Variants in GRIA2 observed in about 807,000 individuals in gnomAD.
The protein encoded by GRIA2 is glutamate receptor 2.
Under a neutral mutation model 97.3 loss-of-function variants are expected in GRIA2, and 14 were observed. The ratio of observed to expected loss-of-function variants is 0.14; its 90% CI spans 0.10 to 0.23. The LOEUF (loss-of-function observed/expected upper bound fraction) is 0.23, where lower values mean the gene tolerates loss of function less well. Among genes scored for constraint, GRIA2 ranks in the 10% least tolerant of loss-of-function variants. The pLI, the probability that GRIA2 is intolerant of heterozygous loss-of-function variation, is 1.00. For synonymous variants in GRIA2, 412 were observed against 387.8 expected (o/e 1.06, Z -0.73); for missense variants, 558 against 1,069.8 (o/e 0.52, Z 6.67).
chr4:157,228,558 C>T (rs11726348), intron 2 of GRIA2, among the ~76,000 whole-genome samples: 11,279 of 151,926 alleles, frequency 0.074, 537 homozygotes, highest in Non-Finnish European at 0.1. Flanking sequence ...TTTGGGTGGC[C>T]GAGGCGGGTG....
chr4:157,323,341 A>G (rs1488532088), intron 6 of GRIA2, among the ~76,000 whole-genome samples: 4 of 131,332 alleles, frequency 3.0e-5, no homozygotes, highest in African/African-American at 1.1e-4. Flanking sequence ...TGTCTCAAAA[A>G]AAAAAAAAAA....
intron 2 of GRIA2, among the ~76,000 whole-genome samples, chr4:157,271,172 T>C (rs2126789592): frequency 6.6e-6 from 1 of 152,178 alleles, no homozygotes; most frequent in Non-Finnish European, 1.5e-5. Context: ...AAGTCTTCTA[T>C]GACCCTATAT....
At chr4:157,223,427 A>T (rs1729597584) in intron 2 of GRIA2, among the ~76,000 whole-genome samples, 1 of 152,318 alleles carries the variant, frequency 6.6e-6, no homozygotes, top group South Asian at 2.1e-4. Context: ...ATTAAAGTGG[A>T]TTTGCAGCTT....
At chr4:157,246,839 G>T (rs1392100266) in intron 2 of GRIA2, among the ~76,000 whole-genome samples, 2 of 151,946 alleles carry the variant, frequency 1.3e-5, no homozygotes, top group African/African-American at 4.8e-5. Flanking sequence ...AAGTGTCTTA[G>T]GAAACATACT....
intron 12 of GRIA2, among the ~76,000 whole-genome samples, chr4:157,347,699 A>G (rs1208617771): frequency 6.6e-6 from 1 of 152,220 alleles, no homozygotes; most frequent in East Asian, 1.9e-4. Context: ...ACTGGTTGCC[A>G]TGGTAATAAA....
intron 2 of GRIA2, among the ~76,000 whole-genome samples, chr4:157,263,621 G>A (rs1044801901): frequency 9.9e-5 from 15 of 152,074 alleles, no homozygotes; most frequent in African/African-American, 2.9e-4. Flanking sequence ...TTAAAGGATC[G>A]TTTACAGGTG....
chr4:157,237,812 G>C (rs1320301298), intron 2 of GRIA2, among the ~76,000 whole-genome samples: 1 of 152,000 alleles, frequency 6.6e-6, no homozygotes, highest in African/African-American at 2.4e-5. Flanking sequence ...GAGCCCAGAG[G>C]GATAAATAAA....
At chr4:157,357,662 G>T (rs1215346472) in intron 12 of GRIA2, among the ~76,000 whole-genome samples, 1 of 152,008 alleles carries the variant, frequency 6.6e-6, no homozygotes, top group African/African-American at 2.4e-5. Context: ...AACAGAACTT[G>T]TATGTCTAGG....
At chr4:157,247,001 C>T (rs1730761670) in intron 2 of GRIA2, among the ~76,000 whole-genome samples, 1 of 152,104 alleles carries the variant, frequency 6.6e-6, no homozygotes, top group African/African-American at 2.4e-5. Flanking sequence ...TTTTCTTTCA[C>T]TAGTAGATAG....
chr4:157,221,029 T>C lies in GRIA2; in HGVS notation c.-14T>C, dbSNP rs747725631. 40 of 1,392,006 alleles carry C rather than the reference T, an allele frequency of 2.9e-5. No individual in the cohort carries two copies. 86.2% of individuals were successfully genotyped at this position (1,392,006 alleles called of 1,614,324 possible). The stretch of plus-strand genomic sequence containing the variant: ...AAAAAGGGGTATATTGTGGATGCTC[T>C]ACTTTTCTTGGAAATGCAAAAGATT... On this transcript the variant is annotated 5_prime_UTR_variant, in exon 1 of 16. Coordinates refer to ENST00000264426, the MANE Select transcript of GRIA2 (RefSeq NM_001083619.3).
intron 6 of GRIA2, among the ~76,000 whole-genome samples, chr4:157,322,546 C>A (rs1001281784): frequency 6.6e-6 from 1 of 152,108 alleles, no homozygotes; most frequent in African/African-American, 2.4e-5. Flanking sequence ...CATGAATTTA[C>A]TTCCAAGTAG....
At chr4:157,233,706 T>C (rs748988776) in intron 2 of GRIA2, among the ~76,000 whole-genome samples, 2 of 152,120 alleles carry the variant, frequency 1.3e-5, no homozygotes, top group African/African-American at 4.8e-5. Flanking sequence ...TTTACTGATA[T>C]AAAACCTAAA....
intron 2 of GRIA2, among the ~76,000 whole-genome samples, chr4:157,282,334 T>C (rs923125763): frequency 6.6e-6 from 1 of 152,110 alleles, no homozygotes; most frequent in Non-Finnish European, 1.5e-5. Context: ...ATCTACCATA[T>C]GACCTATGTC....
At chr4:157,255,524 C>T (rs1045717750) in intron 2 of GRIA2, among the ~76,000 whole-genome samples, 1 of 152,014 alleles carries the variant, frequency 6.6e-6, no homozygotes, top group African/African-American at 2.4e-5. Flanking sequence ...TTCTTACCAA[C>T]AGTGTATAAG....
intron 12 of GRIA2, among the ~76,000 whole-genome samples, chr4:157,359,006 C>T (rs1303380167): frequency 6.6e-6 from 1 of 152,128 alleles, no homozygotes; most frequent in Non-Finnish European, 1.5e-5. Flanking sequence ...TATTCAAAGT[C>T]ATCTTCCCAA....
At chr4:157,309,285 C>T (rs1205406093) in intron 3 of GRIA2, among the ~76,000 whole-genome samples, 3 of 151,054 alleles carry the variant, frequency 2.0e-5, no homozygotes, top group Admixed American at 6.6e-5. Context: ...CCTGAATCCA[C>T]AGCCACTGTA....
intron 2 of GRIA2, among the ~76,000 whole-genome samples, chr4:157,301,773 T>A (rs1011918359): frequency 6.6e-6 from 1 of 152,134 alleles, no homozygotes; most frequent in African/African-American, 2.4e-5. Flanking sequence ...AAAAGGATGG[T>A]AGATGTTATG....
rs1310570952 is a variant in GRIA2, at chr4:157,364,299, C to A, written c.*868C>A. On this transcript the variant is annotated 3_prime_UTR_variant, in exon 16 of 16. Coordinates refer to ENST00000264426, the MANE Select transcript of GRIA2 (RefSeq NM_001083619.3). Reference sequence around the variant, plus strand: ...TTTCTATTGTTTTATTGCAAGTGGTCCAATTAATTTTGCTTAGCTACAGTT... The same window carrying A: ...TTTCTATTGTTTTATTGCAAGTGGTACAATTAATTTTGCTTAGCTACAGTT... The A allele has an allele frequency of 6.6e-6, 1 of 152,248 alleles. No homozygotes were observed. Among genetic ancestry groups the A allele is most frequent in the Admixed American group, 6.6e-5 (1 of 15,202 alleles). The allele number at this position is 152,248 out of a possible 1,614,324, so 9.4% of individuals were successfully genotyped here.
At chr4:157,230,253 A>G (rs1037626071) in intron 2 of GRIA2, among the ~76,000 whole-genome samples, 12 of 147,906 alleles carry the variant, frequency 8.1e-5, no homozygotes, top group Non-Finnish European at 1.4e-4. Flanking sequence ...CAGTAAGAAT[A>G]TGTCAACAAT....
Sources: gnomAD v4.1 joint callset for allele counts (sites outside exome capture counted in the v4.1 genomes callset) on GRCh38, gnomAD v4.1.1 for gene constraint, MANE v1.5 for transcripts, NCBI Gene and HGNC (gene_info 2026-07-23, HGNC 2026-07-21) for gene names.